Variants in MPZL1 observed in about 807,000 individuals in gnomAD.
The protein encoded by MPZL1 is myelin protein zero-like protein 1.
MPZL1 carries 16 observed loss-of-function variants against 29.3 expected under a neutral mutation model. The ratio of observed to expected loss-of-function variants is 0.55; its 90% CI spans 0.37 to 0.83. The LOEUF (loss-of-function observed/expected upper bound fraction) is 0.83, where lower values mean the gene tolerates loss of function less well. MPZL1 is among the 40% of genes least tolerant of loss of function. The probability of loss-of-function intolerance (pLI) is 0.00; values close to 1 mark genes in which losing one functional copy is unlikely to be tolerated. For missense variants in MPZL1, 279 were observed against 332.9 expected (o/e 0.84, Z 1.26); for synonymous variants, 143 against 132.0 (o/e 1.08, Z -0.57).
intron 1 of MPZL1, among the ~76,000 whole-genome samples, chr1:167,757,113 C>G (rs12022812): frequency 0.16 from 24,919 of 152,118 alleles, 2,390 homozygotes; most frequent in East Asian, 0.35. Context: ...CAAGAGAGGT[C>G]CACAATAGCA....
At chr1:167,765,301 CTT>C (rs1661089240) in intron 1 of MPZL1, 1 of 172,540 alleles carries the variant, frequency 5.8e-6, no homozygotes. Context: ...TGAAACTGCT[CTT>C]TAAAAAGTCT....
Position 167,722,214 on chromosome 1 carries a change from G to T in MPZL1, c.63G>T (p.Trp21Cys). 1 of 1,239,558 alleles carries T rather than the reference G, an allele frequency of 8.1e-7. No individual in the cohort carries two copies. Among genetic ancestry groups the T allele is most frequent in the Non-Finnish European group, 1.0e-6 (1 of 988,014 alleles). The allele number at this position is 1,239,558 out of a possible 1,614,324, so 76.8% of individuals were successfully genotyped here. A position where few individuals can be genotyped will look rare whatever the true frequency, so the allele number is the denominator to read the frequency against. Reference sequence around the variant, plus strand: ...CCCCAGACAGCCGGCGCTGGCTGTGGTCGGTGCTGGCGGCGGCGCTTGGGC... The same window carrying T: ...CCCCAGACAGCCGGCGCTGGCTGTGTTCGGTGCTGGCGGCGGCGCTTGGGC... ...IAAPDSRRWL[W>C]SVLAAALGLL... Residue 21 changes from tryptophan (W) to cysteine (C), a missense_variant, in exon 1 of 6, where the codon TGG (tryptophan) becomes TGT (cysteine). Transcript: ENST00000359523.
At chr1:167,723,177 C>G (rs1660075358) in intron 1 of MPZL1, among the ~76,000 whole-genome samples, 2 of 152,172 alleles carry the variant, frequency 1.3e-5, no homozygotes, top group Non-Finnish European at 1.5e-5. Context: ...ATAAAGAGGG[C>G]CAGCTGCTAA....
At chr1:167,780,792 C>T (rs10918764) in intron 5 of MPZL1, among the ~76,000 whole-genome samples, 27,528 of 151,922 alleles carry the variant, frequency 0.18, 3,004 homozygotes, top group East Asian at 0.37. Flanking sequence ...ATGAAAATAT[C>T]GTAGAGATTG....
chr1:167,779,383 G>A (rs1036287081), intron 5 of MPZL1, among the ~76,000 whole-genome samples: 3 of 151,686 alleles, frequency 2.0e-5, no homozygotes, highest in Non-Finnish European at 2.9e-5. Context: ...TCAGGAGTTC[G>A]AAACCAGCCT....
At chr1:167,736,754 T>C (rs926381201) in intron 1 of MPZL1, among the ~76,000 whole-genome samples, 2 of 152,210 alleles carry the variant, frequency 1.3e-5, no homozygotes, top group Non-Finnish European at 2.9e-5. Context: ...TTGAGACTCC[T>C]AGATCGTCTC....
In MPZL1 at chr1:167,746,434, C is replaced by T. The variant is rs1306730451; in HGVS notation, c.92-19149C>T. ...AGCATTGTAAAGCAGCTCTCCCTCC[C>T]TGTTTGCATCAGCAAAGGGGTGGGC... On this transcript the variant is annotated intron_variant, in intron 1 of 5. Transcript: ENST00000359523. Among the ~76,000 whole-genome samples the T allele has an allele frequency of 8.0e-5, 12 of 150,820 alleles. 1 individual carries two copies. The highest frequency in any genetic ancestry group is 1.5e-5 in the Non-Finnish European group (1 of 67,504).
intron 1 of MPZL1, among the ~76,000 whole-genome samples, chr1:167,751,283 T>A (rs1660749496): frequency 6.6e-6 from 1 of 152,248 alleles, no homozygotes; most frequent in African/African-American, 2.4e-5. Context: ...AAGAGTCCCA[T>A]CAAAATGGTT....
chr1:167,740,691 A>G (rs1660497825), intron 1 of MPZL1, among the ~76,000 whole-genome samples: 1 of 152,162 alleles, frequency 6.6e-6, no homozygotes, highest in Admixed American at 6.5e-5. Flanking sequence ...AACTTCCAAA[A>G]TTTATATACA....
rs1365570763 is a variant in MPZL1, at chr1:167,789,159, C to T, written c.*1238C>T. ...ACAGTTTGGCTGTCCTTCCCTAAAA[C>T]TTGTTTTCTCCTATTCACTACTCCC... On this transcript the variant is annotated 3_prime_UTR_variant, in exon 6 of 6. Coordinates refer to ENST00000359523, the MANE Select transcript of MPZL1 (RefSeq NM_003953.6). The T allele has an allele frequency of 6.6e-6, 1 of 152,170 alleles. No homozygotes were observed. The highest frequency in any genetic ancestry group is 1.9e-4 in the East Asian group (1 of 5,190). The allele number at this position is 152,170 out of a possible 1,614,324, so 9.4% of individuals were successfully genotyped here.
chr1:167,762,868 A>C (rs984295135), intron 1 of MPZL1, among the ~76,000 whole-genome samples: 5 of 152,148 alleles, frequency 3.3e-5, no homozygotes, highest in African/African-American at 1.2e-4. Context: ...AAGTGTAGAT[A>C]GCCAGGGATG....
intron 1 of MPZL1, among the ~76,000 whole-genome samples, chr1:167,738,600 G>T (rs1660431362): frequency 1.3e-5 from 2 of 152,152 alleles, no homozygotes; most frequent in African/African-American, 4.8e-5. Flanking sequence ...TCTTGGGGGT[G>T]GGGATTTCTC....
intron 1 of MPZL1, among the ~76,000 whole-genome samples, chr1:167,760,077 G>A (rs1213786341): frequency 1.3e-5 from 2 of 152,180 alleles, no homozygotes; most frequent in Non-Finnish European, 2.9e-5. Context: ...AAGGCTGAAG[G>A]AGGCAGACAC....
rs140136718 is a variant in MPZL1, at chr1:167,767,404, C to A, written c.258+1655C>A. 3.8e-4 allele frequency among the ~76,000 whole-genome samples: 58 copies of A among 152,328 alleles called. 1 individual carries two copies. The East Asian group carries it at 8.3e-3, about 22-fold the overall frequency. Reference sequence around the variant, plus strand: ...AGAGCCACCCAGAGGTAATAACTTTCTTTTAAAGAGCGGTTCCATTTATGC... The same window carrying A: ...AGAGCCACCCAGAGGTAATAACTTTATTTTAAAGAGCGGTTCCATTTATGC... On this transcript the variant is annotated intron_variant, in intron 2 of 5. Coordinates refer to ENST00000359523, the MANE Select transcript of MPZL1 (RefSeq NM_003953.6).
Position 167,773,278 on chromosome 1 carries a change from T to G in MPZL1, c.515T>G (p.Val172Gly). The G allele has an allele frequency of 1.2e-6, 2 of 1,613,672 alleles. No homozygotes were observed. Among genetic ancestry groups the G allele is most frequent in the Non-Finnish European group, 1.7e-6 (2 of 1,179,542 alleles). Reference sequence around the variant, plus strand: ...CCAGTTTGGGTAGTGGTGGGCATAGTTACTGCTGTGGTCCTAGGTCTCACT... The same window carrying G: ...CCAGTTTGGGTAGTGGTGGGCATAGGTACTGCTGTGGTCCTAGGTCTCACT... ...VFPVWVVVGI[V>G]TAVVLGLTLL... Residue 172 changes from valine to glycine, a missense_variant, in exon 4 of 6, where the codon GTT becomes GGT. By Grantham distance (109) the Val-to-Gly change is moderately radical. Transcript: ENST00000359523.
chr1:167,759,628 G>A (rs1660940215), intron 1 of MPZL1, among the ~76,000 whole-genome samples: 1 of 152,190 alleles, frequency 6.6e-6, no homozygotes, highest in African/African-American at 2.4e-5. Flanking sequence ...CTGTGTGCAA[G>A]GAAACCATGT....
At chr1:167,758,694 T>C (rs916398596) in intron 1 of MPZL1, among the ~76,000 whole-genome samples, 7 of 152,204 alleles carry the variant, frequency 4.6e-5, no homozygotes, top group Non-Finnish European at 8.8e-5. Flanking sequence ...TTCATTTGAA[T>C]TGATTTCCTA....
At chr1:167,776,947 A>G (rs188779962) in intron 5 of MPZL1, among the ~76,000 whole-genome samples, 16 of 152,338 alleles carry the variant, frequency 1.1e-4, no homozygotes, top group Admixed American at 4.6e-4. Flanking sequence ...AAGTACCCAT[A>G]GTCTTATTCC....
intron 1 of MPZL1, among the ~76,000 whole-genome samples, chr1:167,751,769 TA>T (rs1290515266): frequency 6.6e-6 from 1 of 152,206 alleles, no homozygotes; most frequent in Non-Finnish European, 1.5e-5. Flanking sequence ...TTTATACATG[TA>T]AAAATAATTT....
Sources: allele counts gnomAD v4.1 joint callset (sites outside exome capture counted in the v4.1 genomes callset), GRCh38; gene constraint gnomAD v4.1.1; transcripts MANE v1.5; gene names NCBI Gene and HGNC (gene_info 2026-07-23, HGNC 2026-07-21).